Variants in TRIM5 observed in about 807,000 individuals in gnomAD.
TRIM5 encodes the protein tripartite motif-containing protein 5.
In TRIM5, 31 loss-of-function variants were observed where a neutral mutation model predicts 35.6. That is an observed-to-expected ratio of 0.87 (90% CI 0.65 to 1.18). The LOEUF (loss-of-function observed/expected upper bound fraction) is 1.18. Among genes scored for constraint, TRIM5 ranks in the 50% most tolerant of loss-of-function variants. The pLI is 0.00. For missense variants in TRIM5, 609 were observed against 591.6 expected, an observed-to-expected ratio of 1.03 and a Z score of -0.31; for synonymous variants, 243 against 215.6, an observed-to-expected ratio of 1.13 and a Z score of -1.11.
chr11:5,678,402 C>T lies in TRIM5; in HGVS notation c.546G>A (p.Leu182=). 3 of 1,590,010 alleles carry T rather than the reference C, an allele frequency of 1.9e-6. No homozygotes were observed. Among genetic ancestry groups the T allele is most frequent in the Non-Finnish European group, 2.6e-6 (3 of 1,164,722 alleles). ...TGTCTCTCAGTTGCTCAAAATCTGC[C>T]AAGACGTTGGTTTTGTCATACTGTA... ...TQIQYDKTNV[L]ADFEQLRDIL... The change falls in exon 4 of 8, where the codon TTG becomes TTA. Residue 182 remains leucine (L), a synonymous_variant. Transcript: ENST00000380034.
chr11:5,642,303 G>A, the TRIM5 span: 13 of 1,019,202 alleles, frequency 1.3e-5, no homozygotes, highest in African/African-American at 2.1e-4. Context: ...CAGGGAGAAG[G>A]GTTCAAGTGC....
the TRIM5 span, among the ~76,000 whole-genome samples, chr11:5,650,139 G>A: frequency 6.6e-6 from 1 of 152,340 alleles, no homozygotes; most frequent in East Asian, 1.9e-4. Context: ...TTGTGTGTAT[G>A]TAAAGCAAAT....
chr11:5,632,614 G>C, the TRIM5 span: 1 of 1,613,450 alleles, frequency 6.2e-7, no homozygotes, highest in Non-Finnish European at 8.5e-7. Flanking sequence ...GAAGAAGAGA[G>C]ATCTCTGTGA....
At position 5,664,434 on chromosome 11, in the gene TRIM5, A is replaced by C. The variant is rs532861368; in HGVS notation, c.*375T>G. 9.9e-7 allele frequency: 1 copy of C among 1,013,218 alleles called. No homozygotes were observed. Among genetic ancestry groups the C allele is most frequent in the Admixed American group, 5.1e-5 (1 of 19,620 alleles). The allele number at this position is 1,013,218 out of a possible 1,614,324, so 62.8% of individuals were successfully genotyped here. A position where few individuals can be genotyped will look rare whatever the true frequency, so the allele number is the denominator to read the frequency against. ...GCTAAGGACTCATTCATTGGTGAAC[A>C]ATTATCACACGATGATATAGAAAGG... is the stretch of plus-strand genomic sequence containing the variant. On this transcript the variant is annotated 3_prime_UTR_variant, in exon 8 of 8. Transcript: ENST00000380034.
At chr11:5,669,066 G>C (rs1427718915) in intron 4 of TRIM5, among the ~76,000 whole-genome samples, 1 of 147,606 alleles carries the variant, frequency 6.8e-6, no homozygotes, top group Non-Finnish European at 1.5e-5. Context: ...TAACAGGACA[G>C]TTTGGTCTAC....
downstream of TRIM5, among the ~76,000 whole-genome samples, chr11:5,660,959 G>A (rs1250366885): frequency 3.5e-5 from 5 of 141,498 alleles, no homozygotes; most frequent in East Asian, 2.2e-4. Context: ...GGAGAATGGC[G>A]TGAACCCAGG....
intron 4 of TRIM5, among the ~76,000 whole-genome samples, chr11:5,673,045 C>T (rs1223033615): frequency 6.6e-6 from 1 of 151,814 alleles, no homozygotes; most frequent in Non-Finnish European, 1.5e-5. Context: ...ATATAGAAAA[C>T]AAATAGCAAA....
the TRIM5 span, chr11:5,634,836 A>G: frequency 1.2e-6 from 2 of 1,613,044 alleles, no homozygotes; most frequent in Non-Finnish European, 1.7e-6. Flanking sequence ...TGTCGGAGTC[A>G]GTGGTCAACA....
At chr11:5,668,830 A>T (rs1851342844) in intron 4 of TRIM5, among the ~76,000 whole-genome samples, 2 of 152,154 alleles carry the variant, frequency 1.3e-5, no homozygotes, top group African/African-American at 4.8e-5. Flanking sequence ...AGTTTGACAC[A>T]CATATGTGCA....
chr11:5,606,709 C>G, the TRIM5 span, among the ~76,000 whole-genome samples: 2 of 152,154 alleles, frequency 1.3e-5, no homozygotes, highest in Non-Finnish European at 2.9e-5. Context: ...CAACAGTCCT[C>G]AAACTGTAAA....
the TRIM5 span, chr11:5,641,022 T>C: frequency 1.4e-5 from 16 of 1,130,064 alleles, no homozygotes; most frequent in Admixed American, 5.2e-4. Context: ...TTGGTGTGTC[T>C]AGCTAAATGT....
chr11:5,681,489 C>T (rs1852444953), intron 1 of TRIM5, among the ~76,000 whole-genome samples: 1 of 152,178 alleles, frequency 6.6e-6, no homozygotes, highest in South Asian at 2.1e-4. Context: ...TTAAGACCTT[C>T]CTCTGGTGCC....
At chr11:5,610,173 G>A in the TRIM5 span, 1 of 1,614,142 alleles carries the variant, frequency 6.2e-7, no homozygotes. Context: ...GAGGAAGCCA[G>A]AAGCTCTCCC....
At chr11:5,641,932 G>T in the TRIM5 span, among the ~76,000 whole-genome samples, 1 of 152,048 alleles carries the variant, frequency 6.6e-6, no homozygotes, top group Non-Finnish European at 1.5e-5. Flanking sequence ...TTCAGGCTTT[G>T]AACTCGGGCA....
chr11:5,632,765 A>C, the TRIM5 span: 1 of 1,567,798 alleles, frequency 6.4e-7, no homozygotes, highest in South Asian at 1.1e-5. Flanking sequence ...GTAGGGCCCT[A>C]GATGGAGGGA....
the TRIM5 span, chr11:5,611,601 C>T: frequency 7.6e-6 from 3 of 394,384 alleles, no homozygotes; most frequent in South Asian, 8.1e-5. Context: ...TTACAGGCAC[C>T]CACCACCATG....
In TRIM5 at chr11:5,679,291, G is replaced by A. The variant is rs910679910; in HGVS notation, c.418-122C>T. 1.1e-5 allele frequency: 9 copies of A among 822,102 alleles called. No homozygotes were observed. In the Admixed American group the frequency reaches 2.1e-4, roughly 19 times the overall value. 50.9% of individuals were successfully genotyped at this position (822,102 alleles called of 1,614,324 possible). A position where few individuals can be genotyped will look rare whatever the true frequency, so the allele number is the denominator to read the frequency against. ...ACAAATTTGCAGAAACTGTGAGAAT[G>A]GCAATGAGAATCCATGACTTGGAAG... is the stretch of plus-strand genomic sequence containing the variant. On this transcript the variant is annotated intron_variant, in intron 2 of 7. Coordinates refer to ENST00000380034, the MANE Select transcript of TRIM5 (RefSeq NM_033034.3).
chr11:5,627,660 C>A, the TRIM5 span, among the ~76,000 whole-genome samples: 1 of 152,010 alleles, frequency 6.6e-6, no homozygotes. Context: ...TAGATTGGGC[C>A]CTGGACTCTA....
chr11:5,630,895 A>G, the TRIM5 span, among the ~76,000 whole-genome samples: 1 of 152,324 alleles, frequency 6.6e-6, no homozygotes, highest in Non-Finnish European at 1.5e-5. Context: ...CTGAATTTTA[A>G]TCACGGAAGA....
Sources: gnomAD v4.1 joint callset for allele counts (sites outside exome capture counted in the v4.1 genomes callset) on GRCh38, gnomAD v4.1.1 for gene constraint, MANE v1.5 for transcripts, NCBI Gene and HGNC (gene_info 2026-07-23, HGNC 2026-07-21) for gene names.